The following ATRNL1 variants were observed in gnomAD, a reference collection of about 807,000 sequenced individuals.
ATRNL1 encodes attractin like 1.
ATRNL1 carries 95 observed loss-of-function variants against 182.7 expected under a neutral mutation model. The ratio of observed to expected loss-of-function variants is 0.52; its 90% CI spans 0.44 to 0.62. The LOEUF (loss-of-function observed/expected upper bound fraction) is 0.62, where lower values mean the gene tolerates loss of function less well. Ranked by LOEUF, ATRNL1 falls within the 20% of genes least tolerant of loss-of-function variation. The pLI, the probability that ATRNL1 is intolerant of heterozygous loss-of-function variation, is 0.00. For missense variants in ATRNL1, 1,471 were observed against 1,679.5 expected, an observed-to-expected ratio of 0.88 and a Z score of 2.17; for synonymous variants, 576 against 568.3, an observed-to-expected ratio of 1.01 and a Z score of -0.19.
rs568414754 is a variant in ATRNL1 at position 115,332,836 on chromosome 10, C to A, written c.3038-1446C>A. 5.7e-4 allele frequency among the ~76,000 whole-genome samples: 86 copies of A among 149,956 alleles called. 1 individual carries two copies. The East Asian group carries it at 0.012, about 21-fold the overall frequency. ...CTATTTAATATCTGTTTTTTTTTTA[C>A]ATTCAATGTTCCATATACATATTTG... is the stretch of plus-strand genomic sequence containing the variant. On this transcript the variant is annotated intron_variant, in intron 18 of 28. Coordinates refer to ENST00000355044, the MANE Select transcript of ATRNL1 (RefSeq NM_207303.4).
intron 1 of ATRNL1, among the ~76,000 whole-genome samples, 168 bp downstream of exon 1, chr10:115,094,211 C>G (rs782751016): frequency 1.4e-4 from 21 of 151,740 alleles, no homozygotes; most frequent in Admixed American, 8.5e-4. Context: ...CCGCGCCGCG[C>G]CCCCTCCAGC....
intron 26 of ATRNL1, among the ~76,000 whole-genome samples, chr10:115,696,611 A>ATTTTACACTCCCACCAACAGTG (rs1390750909): frequency 1.1e-4 from 16 of 152,238 alleles, no homozygotes; most frequent in African/African-American, 3.9e-4. Context: ...TGGTTGAACT[A>ATTTTACACTCCCACCAACAGTG]TTTTACACTC....
chr10:115,482,538 G>A (rs570741965), intron 24 of ATRNL1, among the ~76,000 whole-genome samples: 1 of 146,252 alleles, frequency 6.8e-6, no homozygotes, highest in East Asian at 2.0e-4. Context: ...TTTGATGATT[G>A]GATAAACAAA....
intron 26 of ATRNL1, among the ~76,000 whole-genome samples, chr10:115,617,602 C>T (rs782449500): frequency 1.3e-5 from 2 of 151,924 alleles, no homozygotes; most frequent in Non-Finnish European, 2.9e-5. Flanking sequence ...TCATGATCCA[C>T]CTGCCTCAGC....
chr10:115,130,543 T>G (rs1271787626), intron 5 of ATRNL1, among the ~76,000 whole-genome samples: 1 of 152,132 alleles, frequency 6.6e-6, no homozygotes, highest in Non-Finnish European at 1.5e-5. Context: ...ATTAGGTATG[T>G]CAACTGCACA....
Position 115,768,542 on chromosome 10 carries a change from C to T in ATRNL1, c.3903+41187C>T, listed in dbSNP as rs1948913999. ...AATGAGTATTCTATTTTTTGACCAT[C>T]GTTCTACTGACTGTTTTCTTGGTTA... On this transcript the variant is annotated intron_variant, in intron 27 of 28. Transcript: ENST00000355044. 2.6e-5 allele frequency among the ~76,000 whole-genome samples: 4 copies of T among 152,032 alleles called. No homozygotes were observed. In the South Asian group the frequency reaches 6.2e-4, roughly 24 times the overall value.
At chr10:115,120,331 T>A (rs1386249642) in intron 2 of ATRNL1, 63 bp downstream of exon 2, 2 of 869,336 alleles carry the variant, frequency 2.3e-6, no homozygotes, top group Non-Finnish European at 3.6e-6. Flanking sequence ...GTGATCATAT[T>A]AATGTCAGAG....
intron 26 of ATRNL1, among the ~76,000 whole-genome samples, chr10:115,684,643 A>G (rs1277985515): frequency 1.3e-5 from 2 of 151,628 alleles, no homozygotes; most frequent in African/African-American, 2.4e-5. Flanking sequence ...AAATTCCACT[A>G]TGTAATATAT....
chr10:115,539,952 G>A, intron 25 of ATRNL1, among the ~76,000 whole-genome samples: 1 of 135,460 alleles, frequency 7.4e-6, no homozygotes, highest in Non-Finnish European at 1.6e-5. Flanking sequence ...AGATAATGGA[G>A]ATAGAAAAGC....
intron 26 of ATRNL1, among the ~76,000 whole-genome samples, chr10:115,622,039 T>A (rs1048422112): frequency 2.0e-5 from 3 of 152,200 alleles, no homozygotes; most frequent in African/African-American, 7.2e-5. Flanking sequence ...AGGTGACTGC[T>A]GCACACTGTT....
intron 20 of ATRNL1, among the ~76,000 whole-genome samples, chr10:115,413,537 A>G (rs1475869487): frequency 1.3e-5 from 2 of 152,062 alleles, no homozygotes; most frequent in African/African-American, 4.8e-5. Flanking sequence ...TATTATTGGA[A>G]TGGACTCATG....
At chr10:115,305,347 A>G (rs748769830) in intron 17 of ATRNL1, among the ~76,000 whole-genome samples, 4 of 152,162 alleles carry the variant, frequency 2.6e-5, no homozygotes, top group East Asian at 1.9e-4. Flanking sequence ...TTGTTCCTTC[A>G]GGCTCTTGGC....
intron 28 of ATRNL1, among the ~76,000 whole-genome samples, chr10:115,915,961 C>G (rs1031750235): frequency 6.6e-6 from 1 of 152,208 alleles, no homozygotes; most frequent in Admixed American, 6.5e-5. Flanking sequence ...TCTCTGGTCC[C>G]TTTTGAATAT....
chr10:115,884,914 T>G (rs955110029), intron 28 of ATRNL1, among the ~76,000 whole-genome samples: 1 of 152,218 alleles, frequency 6.6e-6, no homozygotes, highest in Admixed American at 6.5e-5. Flanking sequence ...TGCAGCTTTT[T>G]GTAACATTCC....
intron 26 of ATRNL1, among the ~76,000 whole-genome samples, chr10:115,651,418 T>A (rs1454069101): frequency 6.6e-6 from 1 of 152,170 alleles, no homozygotes; most frequent in Non-Finnish European, 1.5e-5. Flanking sequence ...AAGAGGAAAT[T>A]AGTCATTACT....
At chr10:115,871,484 T>TAC (rs1555106112) in intron 28 of ATRNL1, among the ~76,000 whole-genome samples, 1 of 132,290 alleles carries the variant, frequency 7.6e-6, no homozygotes, top group Admixed American at 7.1e-5. Context: ...TGTGTGTATA[T>TAC]ATATATATAT....
At chr10:115,426,409 T>G in intron 21 of ATRNL1, 107 bp downstream of exon 21, 1 of 735,858 alleles carries the variant, frequency 1.4e-6, no homozygotes, top group Non-Finnish European at 2.2e-6. Context: ...TCTTGCAATT[T>G]CTATTTCTTA....
At chr10:115,472,195 A>G (rs969924269) in intron 24 of ATRNL1, among the ~76,000 whole-genome samples, 19 of 150,944 alleles carry the variant, frequency 1.3e-4, no homozygotes, top group Admixed American at 6.6e-5. Context: ...ATTCTGCTCC[A>G]TTGGTATTAG....
Position 115,246,291 on chromosome 10 carries a change from T to C in ATRNL1, c.1687+4566T>C, listed in dbSNP as rs182616922. Among the ~76,000 whole-genome samples, 11 of 152,314 alleles carry C rather than the reference T, an allele frequency of 7.2e-5. No homozygotes were observed. In the East Asian group the frequency reaches 2.1e-3, roughly 29 times the overall value. ...AAAGTTAAGTCTACATTCAGAGTCC[T>C]TTTGATATTAACACTATACACCGTG... On this transcript the variant is annotated intron_variant, in intron 10 of 28. Coordinates refer to ENST00000355044, the MANE Select transcript of ATRNL1 (RefSeq NM_207303.4).
Sources: allele counts gnomAD v4.1 joint callset (sites outside exome capture counted in the v4.1 genomes callset), GRCh38; gene constraint gnomAD v4.1.1; transcripts MANE v1.5; gene names NCBI Gene and HGNC (gene_info 2026-07-23, HGNC 2026-07-21).